Variants in KIAA1328 observed in about 807,000 individuals in gnomAD.
KIAA1328 encodes KIAA1328.
Under a neutral mutation model 68.1 loss-of-function variants are expected in KIAA1328, and 52 were observed. The observed-to-expected ratio is 0.76, with a 90% CI of 0.61 to 0.96. The LOEUF is 0.96. KIAA1328 is among the 40% of genes least tolerant of loss of function. The pLI is 0.00. For synonymous variants in KIAA1328, 232 were observed against 239.4 expected (o/e 0.97, Z 0.28); for missense variants, 641 against 677.6 (o/e 0.95, Z 0.60).
intron 6 of KIAA1328, among the ~76,000 whole-genome samples, chr18:36,977,656 A>G (rs1436650140): frequency 1.3e-5 from 2 of 152,088 alleles, no homozygotes; most frequent in African/African-American, 4.8e-5. Flanking sequence ...ACAAGGGACC[A>G]CATTAATCAA....
At chr18:37,204,239 A>T (rs2060173134) in intron 9 of KIAA1328, among the ~76,000 whole-genome samples, 1 of 152,240 alleles carries the variant, frequency 6.6e-6, no homozygotes, top group African/African-American at 2.4e-5. Flanking sequence ...CTGTCAAACC[A>T]GTAGACTCAG....
chr18:36,901,381 C>G (rs2049033678), intron 5 of KIAA1328, among the ~76,000 whole-genome samples: 2 of 152,024 alleles, frequency 1.3e-5, no homozygotes, highest in Admixed American at 1.3e-4. Context: ...TGGCAAAACT[C>G]TCTGCCTTTT....
At chr18:37,178,135 T>C (rs963224531) in intron 9 of KIAA1328, among the ~76,000 whole-genome samples, 3 of 152,082 alleles carry the variant, frequency 2.0e-5, no homozygotes, top group Non-Finnish European at 4.4e-5. Context: ...TACTGCACAA[T>C]AGAACATCAG....
chr18:37,102,275 G>T (rs912337506), intron 7 of KIAA1328, among the ~76,000 whole-genome samples: 1 of 152,150 alleles, frequency 6.6e-6, no homozygotes, highest in Non-Finnish European at 1.5e-5. Context: ...CCTGTCAGGC[G>T]TGATTCAGGG....
At chr18:36,962,707 C>T (rs774245040) in intron 6 of KIAA1328, among the ~76,000 whole-genome samples, 1 of 152,158 alleles carries the variant, frequency 6.6e-6, no homozygotes, top group African/African-American at 2.4e-5. Context: ...ACAACCTGCT[C>T]CTGAATGACT....
intron 6 of KIAA1328, among the ~76,000 whole-genome samples, chr18:36,987,825 T>G (rs1015926638): frequency 6.6e-6 from 1 of 150,424 alleles, no homozygotes; most frequent in South Asian, 2.1e-4. Context: ...AGTAATGCTG[T>G]TTTTTTTTGT....
At chr18:37,217,097 A>C (rs1339085301) in intron 9 of KIAA1328, among the ~76,000 whole-genome samples, 1 of 150,824 alleles carries the variant, frequency 6.6e-6, no homozygotes, top group Admixed American at 6.6e-5. Context: ...AATACAGCAC[A>C]CTGATGGGTC....
chr18:37,197,922 T>C (rs914060183), intron 9 of KIAA1328, among the ~76,000 whole-genome samples: 1 of 152,148 alleles, frequency 6.6e-6, no homozygotes, highest in South Asian at 2.1e-4. Context: ...GCACAATTCA[T>C]AGTAGAAAAA....
At position 37,160,183 on chromosome 18, in the gene KIAA1328, C is replaced by A. The variant is rs1404711504; in HGVS notation, c.1233-17C>A. 2 of 1,601,212 alleles carry A rather than the reference C, an allele frequency of 1.2e-6. No homozygotes were observed. The highest frequency in any genetic ancestry group is 3.4e-5 in the Admixed American group (2 of 58,226). Reference sequence around the variant, plus strand: ...CCTTCTGTGCCTTCAACAGTTCATTCATCGTTGTTCTTTCAGTTTATTGAA... The same window carrying A: ...CCTTCTGTGCCTTCAACAGTTCATTAATCGTTGTTCTTTCAGTTTATTGAA... On this transcript the variant is annotated splice_polypyrimidine_tract_variant and intron_variant, in intron 7 of 9. Coordinates refer to ENST00000280020, the MANE Select transcript of KIAA1328 (RefSeq NM_020776.3).
chr18:36,944,435 C>G (rs9955016), intron 5 of KIAA1328, among the ~76,000 whole-genome samples: 90,069 of 151,890 alleles, frequency 0.59, 28,521 homozygotes, highest in East Asian at 0.87. Context: ...AAATATTAGC[C>G]AGGCATGGTG....
intron 7 of KIAA1328, among the ~76,000 whole-genome samples, chr18:37,100,571 C>G (rs1599266782): frequency 6.6e-6 from 1 of 152,220 alleles, no homozygotes; most frequent in African/African-American, 2.4e-5. Flanking sequence ...ACCCTCTTGC[C>G]TCTGTAGACT....
chr18:37,165,586 AT>A (rs767099970), intron 8 of KIAA1328, among the ~76,000 whole-genome samples: 382 of 126,000 alleles, frequency 3.0e-3, no homozygotes, highest in African/African-American at 3.3e-3. Context: ...CACCCGGCTA[AT>A]TTTTTTTTTT....
At chr18:37,016,649 A>G (rs768126947) in intron 6 of KIAA1328, among the ~76,000 whole-genome samples, 17 of 152,022 alleles carry the variant, frequency 1.1e-4, no homozygotes, top group Non-Finnish European at 2.4e-4. Context: ...TCAAAACTCA[A>G]TATTGTTCTG....
intron 1 of KIAA1328, chr18:36,832,718 T>A (rs1389613457): frequency 6.6e-6 from 1 of 152,064 alleles, no homozygotes; most frequent in East Asian, 1.9e-4. Flanking sequence ...GAGCCAGACA[T>A]TCTTTTATGT....
Position 37,222,071 on chromosome 18 carries a change from C to G in KIAA1328, c.1578C>G (p.Pro526=), listed in dbSNP as rs1400435226. Residue 526 remains proline, a synonymous_variant, in exon 10 of 10, where the codon CCC becomes CCG. Transcript: ENST00000280020. ...LVQSLSPNSA[P]KPQRYPSREA... ...AGTCTCTGAGCCCAAACTCTGCGCCCAAACCTCAGCGCTATCCCTCCAGAG... is the reference window on the plus strand; with the variant it reads ...AGTCTCTGAGCCCAAACTCTGCGCCGAAACCTCAGCGCTATCCCTCCAGAG... 1.2e-6 allele frequency: 2 copies of G among 1,613,672 alleles called. No homozygotes were observed. The highest frequency in any genetic ancestry group is 1.7e-6 in the Non-Finnish European group (2 of 1,179,772).
chr18:36,894,192 T>G (rs548723063), intron 5 of KIAA1328, among the ~76,000 whole-genome samples: 63 of 152,294 alleles, frequency 4.1e-4, no homozygotes, highest in African/African-American at 1.5e-3. Flanking sequence ...CAAATATCAA[T>G]AAGCCTTACT....
intron 6 of KIAA1328, among the ~76,000 whole-genome samples, chr18:37,037,735 T>TACAAA: frequency 6.6e-6 from 1 of 151,986 alleles, no homozygotes; most frequent in East Asian, 1.9e-4. Flanking sequence ...CACCCTAATC[T>TACAAA]TTTTAATATA....
At chr18:37,189,931 T>C (rs767442661) in intron 9 of KIAA1328, among the ~76,000 whole-genome samples, 8 of 152,230 alleles carry the variant, frequency 5.3e-5, no homozygotes, top group Non-Finnish European at 1.2e-4. Context: ...TATACCACTG[T>C]TAATAATTTA....
At chr18:37,045,400 T>C (rs1189645836) in intron 6 of KIAA1328, among the ~76,000 whole-genome samples, 1 of 152,200 alleles carries the variant, frequency 6.6e-6, no homozygotes, top group Non-Finnish European at 1.5e-5. Context: ...TAAATAGTGC[T>C]TCCTTTTTGT....
Sources: gnomAD v4.1 joint callset for allele counts (sites outside exome capture counted in the v4.1 genomes callset) on GRCh38, gnomAD v4.1.1 for gene constraint, MANE v1.5 for transcripts, NCBI Gene and HGNC (gene_info 2026-07-23, HGNC 2026-07-21) for gene names.